Variants in NME7 observed in about 807,000 individuals in gnomAD.
NME7 encodes the protein nucleoside diphosphate kinase 7.
Under a neutral mutation model 49.1 loss-of-function variants are expected in NME7, and 41 were observed. The observed-to-expected ratio is 0.83, with a 90% CI of 0.65 to 1.08. The LOEUF is 1.08. Among genes scored for constraint, NME7 ranks in the 50% least tolerant of loss-of-function variants. NME7 has a pLI of 0.00. For missense variants in NME7, 423 were observed against 463.4 expected, an observed-to-expected ratio of 0.91 and a Z score of 0.80; for synonymous variants, 139 against 150.6, an observed-to-expected ratio of 0.92 and a Z score of 0.56.
intron 1 of NME7, among the ~76,000 whole-genome samples, chr1:169,334,469 C>T (rs1652380131): frequency 6.6e-6 from 1 of 152,088 alleles, no homozygotes; most frequent in African/African-American, 2.4e-5. Context: ...GGGAAAGGAT[C>T]TCCTATTCAG....
At chr1:169,294,463 CT>C (rs1650628991) in intron 6 of NME7, among the ~76,000 whole-genome samples, 1 of 152,030 alleles carries the variant, frequency 6.6e-6, no homozygotes, top group Non-Finnish European at 1.5e-5. Flanking sequence ...TTGGTAAAAT[CT>C]GGAAAGATGG....
chr1:169,318,459 T>C (rs1283452910), intron 3 of NME7, among the ~76,000 whole-genome samples: 1 of 151,964 alleles, frequency 6.6e-6, no homozygotes, highest in African/African-American at 2.4e-5. Context: ...TAAGATTAGG[T>C]CCCCATGTGG....
At chr1:169,254,240 A>C (rs1358942386) in intron 7 of NME7, among the ~76,000 whole-genome samples, 1 of 151,668 alleles carries the variant, frequency 6.6e-6, no homozygotes, top group Non-Finnish European at 1.5e-5. Context: ...ACAATTTCAG[A>C]TCCTGTTATT....
At chr1:169,203,557 T>C (rs960902420) in intron 10 of NME7, among the ~76,000 whole-genome samples, 1 of 152,050 alleles carries the variant, frequency 6.6e-6, no homozygotes, top group Non-Finnish European at 1.5e-5. Context: ...TTAGGCCTTA[T>C]AAATCAAAAG....
At chr1:169,181,231 G>A (rs1376404135) in intron 10 of NME7, among the ~76,000 whole-genome samples, 1 of 151,454 alleles carries the variant, frequency 6.6e-6, no homozygotes, top group Non-Finnish European at 1.5e-5. Flanking sequence ...CTCCACAGCT[G>A]GCATTGCCAA....
At chr1:169,356,529 T>C (rs887529482) in intron 1 of NME7, among the ~76,000 whole-genome samples, 13 of 152,174 alleles carry the variant, frequency 8.5e-5, no homozygotes, top group Admixed American at 4.6e-4. Context: ...TGAAAATGTA[T>C]ATCTCAGAAG....
At chr1:169,348,884 A>C (rs1270333082) in intron 1 of NME7, among the ~76,000 whole-genome samples, 6 of 109,564 alleles carry the variant, frequency 5.5e-5, no homozygotes. Flanking sequence ...AAAGCAAAAG[A>C]AAGAGTTAAC....
At chr1:169,212,097 A>C (rs1660840417) in intron 10 of NME7, among the ~76,000 whole-genome samples, 1 of 152,166 alleles carries the variant, frequency 6.6e-6, no homozygotes, top group South Asian at 2.1e-4. Flanking sequence ...CTGAAATCTA[A>C]GTATTTTCTA....
chr1:169,303,148 A>G lies in NME7; in HGVS notation c.437T>C (p.Phe146Ser). The stretch of plus-strand genomic sequence containing the variant: ...AATCCCCAAATTAAGGACCTACTTG[A>G]AAAAGGGTCTTGACTGGTGATCTAC... Reference protein sequence around the residue: ...FHVDHQSRPFFNELIQFITTG... With the variant: ...FHVDHQSRPFSNELIQFITTG... Residue 146 changes from phenylalanine (F) to serine (S), a missense_variant, in exon 5 of 12, where the codon TTC becomes TCC. Phe to Ser is a radical substitution (Grantham distance 155, BLOSUM62 -2). Transcript: ENST00000367811. The G allele has an allele frequency of 1.3e-6, 2 of 1,566,578 alleles. No individual in the cohort carries two copies. The highest frequency in any genetic ancestry group is 1.2e-5 in the South Asian group (1 of 86,310).
At chr1:169,335,634 A>G (rs951584655) in intron 1 of NME7, among the ~76,000 whole-genome samples, 1 of 151,176 alleles carries the variant, frequency 6.6e-6, no homozygotes. Context: ...TACCTATGTA[A>G]CAAACCTGCA....
intron 1 of NME7, among the ~76,000 whole-genome samples, chr1:169,326,064 A>G (rs1223361963): frequency 6.6e-6 from 1 of 152,076 alleles, no homozygotes; most frequent in Non-Finnish European, 1.5e-5. Flanking sequence ...TAAATACATA[A>G]TTGAAATGTT....
chr1:169,294,139 T>C (rs372489751), intron 6 of NME7, among the ~76,000 whole-genome samples: 6 of 152,160 alleles, frequency 3.9e-5, no homozygotes, highest in East Asian at 1.9e-4. Flanking sequence ...CTAGGTACTA[T>C]ACTAAGCACT....
At chr1:169,180,047 C>T (rs1025529621) in intron 10 of NME7, among the ~76,000 whole-genome samples, 4 of 150,774 alleles carry the variant, frequency 2.7e-5, no homozygotes, top group African/African-American at 9.7e-5. Flanking sequence ...CAGTTATATC[C>T]AATTTATAAA....
intron 10 of NME7, among the ~76,000 whole-genome samples, chr1:169,170,472 G>C (rs986688791): frequency 6.6e-6 from 1 of 152,004 alleles, no homozygotes; most frequent in Non-Finnish European, 1.5e-5. Context: ...TATTTGCCAG[G>C]GTTCCATCAA....
At chr1:169,198,706 G>A (rs967878725) in intron 10 of NME7, among the ~76,000 whole-genome samples, 6 of 152,106 alleles carry the variant, frequency 3.9e-5, no homozygotes, top group South Asian at 4.1e-4. Flanking sequence ...TAGGGCTGAG[G>A]GTGAGGTGGG....
intron 10 of NME7, among the ~76,000 whole-genome samples, chr1:169,223,822 T>A (rs1661219691): frequency 6.6e-6 from 1 of 152,112 alleles, no homozygotes. Flanking sequence ...TTTTTCTGAG[T>A]GTGTACACAT....
intron 1 of NME7, among the ~76,000 whole-genome samples, chr1:169,365,205 C>G (rs188141373): frequency 6.6e-6 from 1 of 152,138 alleles, no homozygotes; most frequent in Non-Finnish European, 1.5e-5. Flanking sequence ...CAATCAGCAG[C>G]GCCCATTCCC....
intron 1 of NME7, among the ~76,000 whole-genome samples, chr1:169,367,001 A>G (rs929207459): frequency 6.6e-6 from 1 of 152,236 alleles, no homozygotes; most frequent in Non-Finnish European, 1.5e-5. Flanking sequence ...CCTCTCAAAC[A>G]TAGGGGTGAA....
At chr1:169,227,201 C>T (rs1647380548) in intron 10 of NME7, among the ~76,000 whole-genome samples, 1 of 152,180 alleles carries the variant, frequency 6.6e-6, no homozygotes. Context: ...CCAGCTCCTC[C>T]CGAATGACCC....
Sources: allele counts gnomAD v4.1 joint callset (sites outside exome capture counted in the v4.1 genomes callset), GRCh38; gene constraint gnomAD v4.1.1; transcripts MANE v1.5; gene names NCBI Gene and HGNC (gene_info 2026-07-23, HGNC 2026-07-21).